ZNF215: variants seen among roughly 807,000 people sequenced by gnomAD.
ZNF215 encodes zinc finger protein 215.
Under a neutral mutation model 27.2 loss-of-function variants are expected in ZNF215, and 24 were observed. The ratio of observed to expected loss-of-function variants is 0.88; its 90% CI spans 0.64 to 1.24. The LOEUF (loss-of-function observed/expected upper bound fraction) is 1.24. Ranked by LOEUF, ZNF215 falls within the 50% of genes most tolerant of loss-of-function variation. ZNF215 has a pLI of 0.00. For synonymous variants in ZNF215, 210 were observed against 204.0 expected, an observed-to-expected ratio of 1.03 and a Z score of -0.25; for missense variants, 675 against 605.7, an observed-to-expected ratio of 1.11 and a Z score of -1.20.
chr11:6,989,182 T>G (rs2857906), downstream of ZNF215, among the ~76,000 whole-genome samples: 1 of 145,238 alleles, frequency 6.9e-6, no homozygotes, highest in Admixed American at 7.0e-5. Flanking sequence ...AAAGGTATTA[T>G]GTTGGTGCAA....
chr11:6,932,589 C>T lies in ZNF215; in HGVS notation c.317C>T (p.Thr106Ile). The change falls in exon 3 of 7, where the codon ACT becomes ATT. Residue 106 changes from threonine to isoleucine, a missense_variant. Thr to Ile is a moderately conservative substitution (Grantham distance 89). Coordinates refer to ENST00000278319, the MANE Select transcript of ZNF215 (RefSeq NM_013250.4). ...FLAILPEEVR[T>I]WVNLQHPNNS... The stretch of plus-strand genomic sequence containing the variant: ...GCAATCCTGCCTGAAGAAGTCAGGA[C>T]TTGGGTGAATTTACAACATCCAAAC... 2 of 1,614,112 alleles carry T rather than the reference C, an allele frequency of 1.2e-6. No individual in the cohort carries two copies. Among genetic ancestry groups the T allele is most frequent in the Non-Finnish European group, 8.5e-7 (1 of 1,180,020 alleles).
At chr11:6,992,545 GA>G (rs1187268720), downstream of ZNF215, among the ~76,000 whole-genome samples, 1 of 152,190 alleles carries the variant, frequency 6.6e-6, no homozygotes, top group Non-Finnish European at 1.5e-5. Flanking sequence ...TCCTCAGAGG[GA>G]AAAATACTCA....
At chr11:6,939,447 A>G (rs554577775) in intron 3 of ZNF215, among the ~76,000 whole-genome samples, 154 of 152,324 alleles carry the variant, frequency 1.0e-3, no homozygotes, top group African/African-American at 1.6e-3. Flanking sequence ...ATAGCTTAAT[A>G]TATTACAGCA....
Position 6,956,445 on chromosome 11 carries a change from T to C in ZNF215, c.1468T>C (p.Phe490Leu), listed in dbSNP as rs1191399842. 6.2e-7 allele frequency: 1 copy of C among 1,614,102 alleles called. No individual in the cohort carries two copies. The highest frequency in any genetic ancestry group is 8.5e-7 in the Non-Finnish European group (1 of 1,180,004). The stretch of plus-strand genomic sequence containing the variant: ...AATGATTCACACGGGAGAGAAACCA[T>C]TCAAATGTAAGGAATGTAGTAAAGC... ...HQMIHTGEKP[F>L]KCKECSKAFN... The change falls in exon 7 of 7, where the codon TTC (phenylalanine) becomes CTC (leucine). Residue 490 changes from phenylalanine (F) to leucine (L), a missense_variant. Phe to Leu is a conservative substitution (Grantham distance 22). Coordinates refer to ENST00000278319, the MANE Select transcript of ZNF215 (RefSeq NM_013250.4).
At chr11:6,962,989 C>T (rs1274042544), downstream of ZNF215, among the ~76,000 whole-genome samples, 1 of 151,792 alleles carries the variant, frequency 6.6e-6, no homozygotes. Context: ...GGTTTCTCTT[C>T]AGTATATTCA....
chr11:6,971,652 A>G (rs1386073978), intron 5 of ZNF215, among the ~76,000 whole-genome samples: 1 of 152,194 alleles, frequency 6.6e-6, no homozygotes, highest in African/African-American at 2.4e-5. Flanking sequence ...GAGAATTATT[A>G]GATTTTTCTT....
downstream of ZNF215, among the ~76,000 whole-genome samples, chr11:6,985,418 C>G (rs1343478646): frequency 6.6e-6 from 1 of 152,150 alleles, no homozygotes; most frequent in African/African-American, 2.4e-5. Flanking sequence ...CCATCTATGA[C>G]AAACCCACAG....
Position 6,941,559 on chromosome 11 carries a change from C to A in ZNF215, c.401-12C>A, listed in dbSNP as rs1157777256. On this transcript the variant is annotated splice_polypyrimidine_tract_variant and intron_variant, in intron 3 of 6. Transcript: ENST00000278319. ...AACTTGTCTCCCTAATATTTTCCTT[C>A]ATCTTCCTCAGATATGCCCTGCAAG... 2 of 1,611,522 alleles carry A rather than the reference C, an allele frequency of 1.2e-6. No individual in the cohort carries two copies. Among genetic ancestry groups the A allele is most frequent in the South Asian group, 1.1e-5 (1 of 90,738 alleles).
chr11:6,935,812 A>T (rs1849417439), intron 3 of ZNF215, among the ~76,000 whole-genome samples: 1 of 152,124 alleles, frequency 6.6e-6, no homozygotes, highest in South Asian at 2.1e-4. Flanking sequence ...AGACTAAAAA[A>T]CATGTTTCAG....
At chr11:6,973,436 G>T (rs1850762707) in intron 5 of ZNF215, among the ~76,000 whole-genome samples, 1 of 152,116 alleles carries the variant, frequency 6.6e-6, no homozygotes, top group Admixed American at 6.6e-5. Flanking sequence ...TGGGTCAAAT[G>T]GTATTTCTAG....
intron 5 of ZNF215, among the ~76,000 whole-genome samples, chr11:6,975,048 T>C (rs1201393426): frequency 2.6e-5 from 4 of 152,148 alleles, no homozygotes; most frequent in Non-Finnish European, 4.4e-5. Flanking sequence ...ATAGCTCTTA[T>C]TATTTTGAGA....
chr11:6,982,389 G>C (rs1194270596), intron 5 of ZNF215, among the ~76,000 whole-genome samples: 13 of 152,156 alleles, frequency 8.5e-5, no homozygotes, highest in Non-Finnish European at 4.4e-5. Context: ...ATTGAACTCA[G>C]CTCTGCACCA....
chr11:6,982,581 C>G (rs1427087189), intron 5 of ZNF215, among the ~76,000 whole-genome samples: 1 of 152,068 alleles, frequency 6.6e-6, no homozygotes. Context: ...TGCAATCAAA[C>G]TAGAACTCAG....
At chr11:6,988,110 AAATT>A, downstream of ZNF215, 2 of 838,042 alleles carry the variant, frequency 2.4e-6, no homozygotes, top group Non-Finnish European at 1.4e-6. Flanking sequence ...TGTTAAGTAA[AAATT>A]TGGAGCAACA....
At chr11:6,953,662 T>A (rs1859408527) in intron 6 of ZNF215, among the ~76,000 whole-genome samples, 1 of 152,214 alleles carries the variant, frequency 6.6e-6, no homozygotes, top group Non-Finnish European at 1.5e-5. Context: ...GTTTTCACCT[T>A]CTTTGCCTTT....
At chr11:6,978,767 A>G (rs1178349523) in intron 5 of ZNF215, among the ~76,000 whole-genome samples, 1 of 148,266 alleles carries the variant, frequency 6.7e-6, no homozygotes, top group African/African-American at 2.5e-5. Context: ...AAAAAAAAAA[A>G]TGTATTCACT....
At chr11:6,979,541 T>C (rs912792019) in intron 5 of ZNF215, among the ~76,000 whole-genome samples, 2 of 151,996 alleles carry the variant, frequency 1.3e-5, no homozygotes, top group Non-Finnish European at 2.9e-5. Flanking sequence ...AATAGTCCAA[T>C]TAAAAGGAGG....
downstream of ZNF215, among the ~76,000 whole-genome samples, chr11:6,987,375 G>A (rs1385336432): frequency 6.6e-6 from 1 of 152,088 alleles, no homozygotes; most frequent in Non-Finnish European, 1.5e-5. Context: ...TACAAGAGGT[G>A]GGAGGAAAGC....
Position 6,958,019 on chromosome 11 carries a change from C to T in ZNF215, c.*1488C>T, listed in dbSNP as rs780304994. On this transcript the variant is annotated 3_prime_UTR_variant, in exon 7 of 7. Transcript: ENST00000278319. ...GGCAGAAAAGGTATACTGGAGTGAA[C>T]TCCTATGATTAAATAATGTCAAAAT... 4.0e-5 allele frequency: 39 copies of T among 985,264 alleles called. No homozygotes were observed. The highest frequency in any genetic ancestry group is 4.2e-5 in the Non-Finnish European group (35 of 829,918). The allele number at this position is 985,264 out of a possible 1,614,324, so 61.0% of individuals were successfully genotyped here.
Sources: allele counts gnomAD v4.1 joint callset (sites outside exome capture counted in the v4.1 genomes callset), GRCh38; gene constraint gnomAD v4.1.1; transcripts MANE v1.5; gene names NCBI Gene and HGNC (gene_info 2026-07-23, HGNC 2026-07-21).